Variants in NUP205 observed in about 807,000 individuals in gnomAD.
The protein encoded by NUP205 is nucleoporin 205, also known as nuclear pore complex protein Nup205.
Under a neutral mutation model 253.8 loss-of-function variants are expected in NUP205, and 76 were observed. That is an observed-to-expected ratio of 0.30 (90% CI 0.25 to 0.36). NUP205 has a LOEUF of 0.36. NUP205 is among the 10% of genes least tolerant of loss of function. The pLI, the probability that NUP205 is intolerant of heterozygous loss-of-function variation, is 1.00. For synonymous variants in NUP205, 832 were observed against 850.1 expected (o/e 0.98, Z 0.37); for missense variants, 2,162 against 2,425.5 (o/e 0.89, Z 2.28).
rs139539701 is a variant in NUP205, at chr7:135,631,957, G to C, written c.5059+1487G>C. 6.8e-3 allele frequency among the ~76,000 whole-genome samples: 1,033 copies of C among 152,176 alleles called. 2 individuals carry two copies. The highest frequency in any genetic ancestry group is 0.011 in the Non-Finnish European group (777 of 67,996). ...GTAGAGACGGGGTTTCACCGTGTTA[G>C]CCAGGTCTTGATCTCCTGACCTTGT... is the stretch of plus-strand genomic sequence containing the variant. On this transcript the variant is annotated intron_variant, in intron 35 of 42. Transcript: ENST00000285968.
At chr7:135,614,455 T>TATA (rs1794309560) in intron 23 of NUP205, among the ~76,000 whole-genome samples, 182 bp downstream of exon 23, 1 of 152,320 alleles carries the variant, frequency 6.6e-6, no homozygotes, top group African/African-American at 2.4e-5. Flanking sequence ...TAGCAAAAAC[T>TATA]TATTTAAATA....
chr7:135,645,269 C>T (rs1424858303), intron 40 of NUP205, among the ~76,000 whole-genome samples, 199 bp from the exon 41 acceptor site: 1 of 152,148 alleles, frequency 6.6e-6, no homozygotes, highest in East Asian at 1.9e-4. Flanking sequence ...TGGCACAGGA[C>T]CCCAAGGTCC....
chr7:135,639,086 C>T (rs1794871208), intron 38 of NUP205, among the ~76,000 whole-genome samples: 1 of 152,014 alleles, frequency 6.6e-6, no homozygotes, highest in South Asian at 2.1e-4. Flanking sequence ...TAACGAAATA[C>T]AATTTAGATA....
intron 1 of NUP205, among the ~76,000 whole-genome samples, chr7:135,560,830 A>T (rs1052314386): frequency 6.6e-6 from 1 of 152,156 alleles, no homozygotes; most frequent in Non-Finnish European, 1.5e-5. Context: ...GGGAAAGGGG[A>T]AAGTGGGGAG....
In NUP205 at chr7:135,614,241, C is replaced by T. The variant is rs866781694; in HGVS notation, c.3278C>T (p.Ser1093Phe). 1 of 1,608,754 alleles carries T rather than the reference C, an allele frequency of 6.2e-7. No individual in the cohort carries two copies. Among genetic ancestry groups the T allele is most frequent in the South Asian group, 1.1e-5 (1 of 90,968 alleles). The change falls in exon 23 of 43, where the codon TCC becomes TTC. Residue 1093 changes from serine (S) to phenylalanine (F), a missense_variant. Coordinates refer to ENST00000285968, the MANE Select transcript of NUP205 (RefSeq NM_015135.3). ...AGAACCAGCCAGGATTTCTTATTTT[C>T]CCAGTTGCAGTATCTACCATTTTCT... ...YLRTSQDFLF[S>F]QLQYLPFSNK...
intron 38 of NUP205, among the ~76,000 whole-genome samples, chr7:135,641,489 G>T (rs1794914061): frequency 6.6e-6 from 1 of 152,202 alleles, no homozygotes; most frequent in African/African-American, 2.4e-5. Context: ...TATGAGATTG[G>T]CCAGGTGTGG....
Position 135,632,573 on chromosome 7 carries a change from G to A in NUP205, c.5059+2103G>A, listed in dbSNP as rs142192201. On this transcript the variant is annotated intron_variant, in intron 35 of 42. Transcript: ENST00000285968. ...GGCTGAGCCCTCTGGGTTGAGAGAC[G>A]TTGAGAGTTGGCCAGGGCTGAGTAC... Among the ~76,000 whole-genome samples the A allele has an allele frequency of 3.9e-3, 598 of 152,014 alleles. 7 individuals are homozygous for A. Among genetic ancestry groups the A allele is most frequent in the African/African-American group, 0.014 (566 of 41,422 alleles).
intron 13 of NUP205, 65 bp downstream of exon 13, chr7:135,594,794 A>G (rs1438849245): frequency 3.2e-6 from 4 of 1,260,970 alleles, no homozygotes; most frequent in Non-Finnish European, 4.4e-6. Flanking sequence ...ATAATACCAT[A>G]GAAGCAAGAA....
At position 135,625,395 on chromosome 7, in the gene NUP205, G is replaced by T. The variant is rs147320521; in HGVS notation, c.4671+40G>T. On this transcript the variant is annotated intron_variant, in intron 32 of 42. Coordinates refer to ENST00000285968, the MANE Select transcript of NUP205 (RefSeq NM_015135.3). ...ACATTTGATGTTAGATCAAGAAGTC[G>T]TTTTCTCTTGGCTATAGATGTATTA... 23 of 1,458,608 alleles carry T rather than the reference G, an allele frequency of 1.6e-5. No individual in the cohort carries two copies. The African/African-American group carries it at 3.2e-4, about 20-fold the overall frequency. 90.4% of individuals were successfully genotyped at this position (1,458,608 alleles called of 1,614,324 possible). A position where few individuals can be genotyped will look rare whatever the true frequency, so the allele number is the denominator to read the frequency against.
chr7:135,587,999 C>T lies in NUP205; in HGVS notation c.1473+7C>T, dbSNP rs1806520578. ...GCGGCCCCCTCAACGCCAGGTGAGTCTTTAGGTTTTCCTCTTTTATACTCT... is the reference window on the plus strand; with the variant it reads ...GCGGCCCCCTCAACGCCAGGTGAGTTTTTAGGTTTTCCTCTTTTATACTCT... On this transcript the variant is annotated splice_region_variant and intron_variant, in intron 10 of 42. Transcript: ENST00000285968. 1 of 1,604,374 alleles carries T rather than the reference C, an allele frequency of 6.2e-7. No individual in the cohort carries two copies. Among genetic ancestry groups the T allele is most frequent in the South Asian group, 1.1e-5 (1 of 89,102 alleles).
At chr7:135,593,773 A>G (rs998019895) in intron 12 of NUP205, among the ~76,000 whole-genome samples, 3 of 152,210 alleles carry the variant, frequency 2.0e-5, no homozygotes, top group African/African-American at 4.8e-5. Context: ...ACTTAACATT[A>G]TTAGGCATCA....
At chr7:135,582,421 CTAG>C (rs2129489965) in intron 7 of NUP205, among the ~76,000 whole-genome samples, 1 of 152,224 alleles carries the variant, frequency 6.6e-6, no homozygotes, top group African/African-American at 2.4e-5. Flanking sequence ...ATTGTTATTA[CTAG>C]TCATACCAAA....
At chr7:135,582,165 C>A (rs77566207) in intron 7 of NUP205, among the ~76,000 whole-genome samples, 5,159 of 152,108 alleles carry the variant, frequency 0.034, 118 homozygotes, top group Middle Eastern at 0.1. Context: ...ACATGCTTGT[C>A]ATCCTACCTT....
Position 135,600,957 on chromosome 7 carries a change from G to T in NUP205, c.2362G>T (p.Val788Leu). The T allele has an allele frequency of 6.3e-7, 1 of 1,592,752 alleles. No homozygotes were observed. Among genetic ancestry groups the T allele is most frequent in the South Asian group, 1.1e-5 (1 of 90,148 alleles). The change falls in exon 16 of 43, where the codon GTG becomes TTG. Residue 788 changes from valine (V) to leucine (L), a missense_variant. By Grantham distance (32) the Val-to-Leu change is conservative. Around this residue, in one of 5 missense-constraint regions of NUP205, gnomAD observed 892 missense variants for 957.1 expected, o/e 0.93. Transcript: ENST00000285968. ...GCTTGAAGATTTTGTAGACCAGTTTGTGGAACTACAAGGTAATTTAATTCT... is the reference window on the plus strand; with the variant it reads ...GCTTGAAGATTTTGTAGACCAGTTTTTGGAACTACAAGGTAATTTAATTCT... The part of the protein sequence containing the change: ...PQLEDFVDQF[V>L]ELQGEEIIAY...
intron 11 of NUP205, among the ~76,000 whole-genome samples, chr7:135,592,300 C>T (rs1448322998): frequency 6.6e-6 from 1 of 152,144 alleles, no homozygotes; most frequent in Non-Finnish European, 1.5e-5. Flanking sequence ...CTGTAGTTAT[C>T]TCTTTCTTTG....
At chr7:135,642,843 G>GGTGTGT (rs57007288) in intron 38 of NUP205, among the ~76,000 whole-genome samples, 6,076 of 144,926 alleles carry the variant, frequency 0.042, 209 homozygotes, top group African/African-American at 0.089. Flanking sequence ...GATGTGGAGG[G>GGTGTGT]GTGTGTGTGT....
intron 15 of NUP205, among the ~76,000 whole-genome samples, chr7:135,599,389 C>T (rs1350816488): frequency 6.6e-6 from 1 of 151,814 alleles, no homozygotes; most frequent in Non-Finnish European, 1.5e-5. Context: ...TTTTTGCTTG[C>T]CAGGTTGTAA....
At chr7:135,604,600 G>A in intron 19 of NUP205, 140 bp downstream of exon 19, 1 of 776,990 alleles carries the variant, frequency 1.3e-6, no homozygotes, top group South Asian at 1.9e-5. Flanking sequence ...TATAGGATGG[G>A]TGAAAACCTA....
chr7:135,581,853 C>CA (rs34433097), intron 7 of NUP205, among the ~76,000 whole-genome samples: 7,618 of 134,894 alleles, frequency 0.056, 220 homozygotes, highest in Middle Eastern at 0.12. Context: ...ACTCTGTTTC[C>CA]AAAAAAAAAA....
Sources: gnomAD v4.1 joint callset for allele counts (sites outside exome capture counted in the v4.1 genomes callset) on GRCh38, gnomAD v4.1.1 for gene constraint, gnomAD v4.1.1 regional missense constraint, MANE v1.5 for transcripts, NCBI Gene and HGNC (gene_info 2026-07-23, HGNC 2026-07-21) for gene names.